Variants in CNPPD1 observed in about 807,000 individuals in gnomAD.
The protein encoded by CNPPD1 is protein CNPPD1.
CNPPD1 carries 40 observed loss-of-function variants against 43.7 expected under a neutral mutation model. The observed-to-expected ratio is 0.92, with a 90% CI of 0.71 to 1.19. The LOEUF is 1.19. Ranked by LOEUF, CNPPD1 falls within the 50% of genes most tolerant of loss-of-function variation. The probability of loss-of-function intolerance (pLI) is 0.00; values close to 1 mark genes in which losing one functional copy is unlikely to be tolerated. For missense variants in CNPPD1, 511 were observed against 518.5 expected, an observed-to-expected ratio of 0.99 and a Z score of 0.14; for synonymous variants, 208 against 214.3, an observed-to-expected ratio of 0.97 and a Z score of 0.26.
intron 3 of CNPPD1, 23 bp downstream of exon 3, chr2:219,175,568 C>G: frequency 6.3e-7 from 1 of 1,596,138 alleles, no homozygotes; most frequent in Non-Finnish European, 8.6e-7. Context: ...ACACTCTCAT[C>G]CTATCCTCAT....
intron 5 of CNPPD1, 86 bp from the exon 6 acceptor site, chr2:219,174,293 G>T: frequency 7.6e-7 from 1 of 1,311,056 alleles, no homozygotes. Context: ...AACTACAACC[G>T]CCCCTATGGC....
chr2:219,174,279 C>T (rs1950123229), intron 5 of CNPPD1, 72 bp from the exon 6 acceptor site: 2 of 1,452,848 alleles, frequency 1.4e-6, no homozygotes, highest in South Asian at 2.3e-5. Flanking sequence ...AGAGCCATAG[C>T]AGCAACTACA....
At chr2:219,175,806 G>T in intron 2 of CNPPD1, 134 bp from the exon 3 acceptor site, 1 of 721,324 alleles carries the variant, frequency 1.4e-6, no homozygotes, top group Admixed American at 2.7e-5. Flanking sequence ...ACAAAATAGA[G>T]ATCAAATTCT....
At chr2:219,175,505 AAAAG>A (rs1181406855) in intron 3 of CNPPD1, 82 bp downstream of exon 3, 66 of 1,318,406 alleles carry the variant, frequency 5.0e-5, no homozygotes, top group Admixed American at 2.7e-4. Flanking sequence ...AAAAAAAAAA[AAAAG>A]AAAGAAAGAA....
intron 6 of CNPPD1, 147 bp downstream of exon 6, chr2:219,173,999 C>T: frequency 1.3e-6 from 1 of 769,106 alleles, no homozygotes; most frequent in Non-Finnish European, 2.3e-6. Context: ...AAGAAGAGGA[C>T]AGATGGGTCT....
At position 219,176,360 on chromosome 2, in the gene CNPPD1, G is replaced by A. The variant is rs116256202; in HGVS notation, c.70-29C>T. Reference sequence around the variant, plus strand: ...AAACAGGGCAGGGGCAGCGGAGGGTGAAGGGCACGGAAAGGTATGATGCAG... The same window carrying A: ...AAACAGGGCAGGGGCAGCGGAGGGTAAAGGGCACGGAAAGGTATGATGCAG... On this transcript the variant is annotated intron_variant, in intron 1 of 7. Transcript: ENST00000360507. The A allele has an allele frequency of 7.9e-3, 11,873 of 1,495,444 alleles. 73 individuals carry two copies. Among genetic ancestry groups the A allele is most frequent in the African/African-American group, 0.021 (1,533 of 72,748 alleles). 92.6% of individuals were successfully genotyped at this position (1,495,444 alleles called of 1,614,324 possible). A position where few individuals can be genotyped will look rare whatever the true frequency, so the allele number is the denominator to read the frequency against.
In CNPPD1 at chr2:219,172,447, A is replaced by G; in HGVS notation, c.*139T>C. 1.1e-6 allele frequency: 1 copy of G among 880,666 alleles called. No individual in the cohort carries two copies. Among genetic ancestry groups the G allele is most frequent in the Non-Finnish European group, 1.8e-6 (1 of 553,798 alleles). 54.6% of individuals were successfully genotyped at this position (880,666 alleles called of 1,614,324 possible). A position where few individuals can be genotyped will look rare whatever the true frequency, so the allele number is the denominator to read the frequency against. On this transcript the variant is annotated 3_prime_UTR_variant, in exon 8 of 8. Transcript: ENST00000360507. ...GAATTACCTTCAGTCCTTCTGCCCC[A>G]CCACCCCATAAGCTCCCACCCAGGA...
Position 219,174,654 on chromosome 2 carries a change from C to T in CNPPD1, c.510+124G>A, listed in dbSNP as rs114676653. The T allele has an allele frequency of 7.3e-3, 9,926 of 1,362,552 alleles. 46 individuals carry two copies. Among genetic ancestry groups the T allele is most frequent in the African/African-American group, 9.0e-3 (618 of 68,804 alleles). The allele number at this position is 1,362,552 out of a possible 1,614,324, so 84.4% of individuals were successfully genotyped here. ...GAGATAGGAAAGGAAGACACTAACA[C>T]AAAGGCAGGAGGAGGACAGGAAGAG... On this transcript the variant is annotated intron_variant, in intron 5 of 7. Transcript: ENST00000360507.
rs1950097487 is a variant in CNPPD1 at position 219,172,954 on chromosome 2, G to C, written c.865C>G (p.Leu289Val). 1 of 1,613,866 alleles carries C rather than the reference G, an allele frequency of 6.2e-7. No individual in the cohort carries two copies. The highest frequency in any genetic ancestry group is 1.7e-5 in the Admixed American group (1 of 59,992). ...EPCIPSVPQC[L>V]PSLANVSSCL... ...CTGGAGACATTAGCGAGAGACGGCA[G>C]GCATTGTGGCACAGAAGGTATGCAG... The change falls in exon 8 of 8, where the codon CTG becomes GTG. Residue 289 changes from leucine (L) to valine (V), a missense_variant. Transcript: ENST00000360507.
rs558464523 is a variant in CNPPD1, at chr2:219,173,395, C to T, written c.645G>A (p.Pro215=). The change falls in exon 7 of 8, where the codon CCG becomes CCA. Residue 215 remains proline (P), a synonymous_variant. Coordinates refer to ENST00000360507, the MANE Select transcript of CNPPD1 (RefSeq NM_015680.6). ...GGGAGCCCAGGGCCAACTGCCAGGT[C>T]GGCTGCTCCAGCAGCACACACAGGT... The part of the protein sequence containing the change: ...YTDLCVLLEQ[P]TWQLALGSLC... The T allele has an allele frequency of 2.2e-5, 35 of 1,613,674 alleles. No homozygotes were observed. Among genetic ancestry groups the T allele is most frequent in the African/African-American group, 2.0e-4 (15 of 75,026 alleles).
rs1950092168 is a variant in CNPPD1, at chr2:219,172,768, C to T, written c.1051G>A (p.Ala351Thr). 1 of 1,609,124 alleles carries T rather than the reference C, an allele frequency of 6.2e-7. No homozygotes were observed. The highest frequency in any genetic ancestry group is 1.3e-5 in the African/African-American group (1 of 74,770). The change falls in exon 8 of 8, where the codon GCC (alanine) becomes ACC (threonine). Residue 351 changes from alanine to threonine, a missense_variant. Coordinates refer to ENST00000360507, the MANE Select transcript of CNPPD1 (RefSeq NM_015680.6). Reference sequence around the variant, plus strand: ...ACTGTACGGTTGGGGTGGAGGCAGGCATGGCAGGTTGGGGAGTCTCTCTGG... The same window carrying T: ...ACTGTACGGTTGGGGTGGAGGCAGGTATGGCAGGTTGGGGAGTCTCTCTGG... ...KLQRDSPTCH[A>T]CLHPNRTVPT...
In CNPPD1 at chr2:219,176,878, T is replaced by C. The variant is rs1326470775; in HGVS notation, c.-50A>G. The C allele has an allele frequency of 1.3e-6, 2 of 1,483,844 alleles. No individual in the cohort carries two copies. The highest frequency in any genetic ancestry group is 1.4e-5 in the African/African-American group (1 of 71,288). The allele number at this position is 1,483,844 out of a possible 1,614,324, so 91.9% of individuals were successfully genotyped here. ...AAGGTGAACGGAAGGAAACGAGTTG[T>C]AGGGGGCTCGCGGAGCTGTCCTTGC... On this transcript the variant is annotated 5_prime_UTR_variant, in exon 1 of 8. Coordinates refer to ENST00000360507, the MANE Select transcript of CNPPD1 (RefSeq NM_015680.6).
chr2:219,175,508 AG>A (rs1950144673), intron 3 of CNPPD1, 82 bp downstream of exon 3: 6 of 1,257,394 alleles, frequency 4.8e-6, no homozygotes, highest in South Asian at 1.3e-5. Context: ...AAAAAAAAAA[AG>A]AAAGAAAGAA....
intron 7 of CNPPD1, 51 bp from the exon 8 acceptor site, chr2:219,173,179 C>T (rs1224964373): frequency 1.3e-6 from 2 of 1,510,854 alleles, no homozygotes; most frequent in Non-Finnish European, 1.8e-6. Flanking sequence ...CACATTCACC[C>T]CTTGTCTCTA....
At chr2:219,173,311 G>T (rs757396007) in intron 7 of CNPPD1, 39 bp downstream of exon 7, 2 of 1,571,706 alleles carry the variant, frequency 1.3e-6, no homozygotes, top group Non-Finnish European at 1.7e-6. Flanking sequence ...CTACACACCG[G>T]CCTGCTCAAG....
In CNPPD1 at chr2:219,175,083, T is replaced by C. The variant is rs753922368; in HGVS notation, c.286A>G (p.Met96Val). 1 of 1,609,936 alleles carries C rather than the reference T, an allele frequency of 6.2e-7. No individual in the cohort carries two copies. The highest frequency in any genetic ancestry group is 8.5e-7 in the Non-Finnish European group (1 of 1,178,502). Reference protein sequence around the residue: ...SREACISPCAMMLALVYIERL... With the variant: ...SREACISPCAVMLALVYIERL... ...TCAATGTACACCAGAGCCAGCATCA[T>C]AGCACATGGGGAGATGCATGCCTCC... Residue 96 changes from methionine (M) to valine (V), a missense_variant, in exon 4 of 8, where the codon ATG becomes GTG. Physicochemically the swap from Met to Val is conservative, Grantham distance 21. Coordinates refer to ENST00000360507, the MANE Select transcript of CNPPD1 (RefSeq NM_015680.6).
At position 219,172,572 on chromosome 2, in the gene CNPPD1, C is replaced by T; in HGVS notation, c.*14G>A. The T allele has an allele frequency of 6.2e-7, 1 of 1,613,710 alleles. No homozygotes were observed. The highest frequency in any genetic ancestry group is 1.1e-5 in the South Asian group (1 of 91,046). On this transcript the variant is annotated 3_prime_UTR_variant, in exon 8 of 8. Transcript: ENST00000360507. ...AACTCCCAAACCCTCTTAATGCATT[C>T]CTCACAGCCCTACCTAGCCTGGGAA...
At chr2:219,175,376 A>C (rs961315968) in intron 3 of CNPPD1, among the ~76,000 whole-genome samples, 4 of 152,034 alleles carry the variant, frequency 2.6e-5, no homozygotes, top group Non-Finnish European at 5.9e-5. Flanking sequence ...GTGTGCCTGT[A>C]GTCCCAGCTA....
In CNPPD1 at chr2:219,174,686, C is replaced by G. The variant is rs566112964; in HGVS notation, c.510+92G>C. ...AGGAGGAGGACAGGAAGAGAAATGA[C>G]GAACCAACAGAAGACTGAGAGAGAA... On this transcript the variant is annotated intron_variant, in intron 5 of 7. Transcript: ENST00000360507. 1.6e-5 allele frequency: 24 copies of G among 1,486,418 alleles called. No individual in the cohort carries two copies. In the African/African-American group the frequency reaches 3.1e-4, roughly 19 times the overall value. The allele number at this position is 1,486,418 out of a possible 1,614,324, so 92.1% of individuals were successfully genotyped here. A position where few individuals can be genotyped will look rare whatever the true frequency, so the allele number is the denominator to read the frequency against.
Sources: gnomAD v4.1 joint callset for allele counts (sites outside exome capture counted in the v4.1 genomes callset) on GRCh38, gnomAD v4.1.1 for gene constraint, MANE v1.5 for transcripts, NCBI Gene and HGNC (gene_info 2026-07-23, HGNC 2026-07-21) for gene names.